ARHGEF7: variants seen among roughly 807,000 people sequenced by gnomAD.
ARHGEF7 encodes Rho guanine nucleotide exchange factor 7.
In ARHGEF7, 33 loss-of-function variants were observed where a neutral mutation model predicts 109.8. The observed-to-expected ratio is 0.30, with a 90% CI of 0.23 to 0.40. The LOEUF is 0.40. Among genes scored for constraint, ARHGEF7 ranks in the 10% least tolerant of loss-of-function variants. ARHGEF7 has a pLI of 1.00. For missense variants in ARHGEF7, 938 were observed against 1,098.5 expected, an observed-to-expected ratio of 0.85 and a Z score of 2.07; for synonymous variants, 458 against 424.6, an observed-to-expected ratio of 1.08 and a Z score of -0.97.
At chr13:111,119,105 C>T (rs1268435500) in intron 1 of ARHGEF7, among the ~76,000 whole-genome samples, 1 of 152,186 alleles carries the variant, frequency 6.6e-6, no homozygotes, top group Non-Finnish European at 1.5e-5. Context: ...TCTGGTAGTT[C>T]CTGGCTTGTG....
intron 19 of ARHGEF7, chr13:111,292,875 T>C: frequency 1.6e-5 from 16 of 988,868 alleles, no homozygotes; most frequent in Non-Finnish European, 1.9e-5. Flanking sequence ...GAACAGCATG[T>C]GGGCTCTGGG....
In ARHGEF7 at chr13:111,304,132, C is replaced by G. The variant is rs1027296170; in HGVS notation, c.*1019C>G. On this transcript the variant is annotated 3_prime_UTR_variant, in exon 22 of 22. Coordinates refer to ENST00000646102, the MANE Select transcript of ARHGEF7 (RefSeq NM_001354046.2). The stretch of plus-strand genomic sequence containing the variant: ...TGGCCGTAGCCAGCAGGCTTCAGTG[C>G]TCACCGAAAGTAAAATCCCCTCCTT... The G allele has an allele frequency of 6.6e-6, 1 of 152,280 alleles. No individual in the cohort carries two copies. The highest frequency in any genetic ancestry group is 1.5e-5 in the Non-Finnish European group (1 of 68,074). 9.4% of individuals were successfully genotyped at this position (152,280 alleles called of 1,614,324 possible).
rs548778682 is a variant in ARHGEF7, at chr13:111,177,047, G to A, written c.252+23056G>A. ...GCTGGGATTACAGGCGTGAGCCACC[G>A]CGCCCGGCTGACTGACTTATTTTAT... On this transcript the variant is annotated intron_variant, in intron 2 of 21. Transcript: ENST00000646102. Among the ~76,000 whole-genome samples the A allele has an allele frequency of 9.8e-5, 15 of 152,354 alleles. No homozygotes were observed. The East Asian group carries it at 1.5e-3, about 16-fold the overall frequency.
chr13:111,206,262 T>C (rs1317521491), intron 3 of ARHGEF7, among the ~76,000 whole-genome samples: 2 of 149,964 alleles, frequency 1.3e-5, no homozygotes, highest in African/African-American at 4.9e-5. Flanking sequence ...TCACTGCACA[T>C]TGAGGAGAGA....
At chr13:111,181,862 G>T (rs566988115) in intron 2 of ARHGEF7, among the ~76,000 whole-genome samples, 5 of 152,236 alleles carry the variant, frequency 3.3e-5, no homozygotes, top group Admixed American at 6.5e-5. Flanking sequence ...GGGCAGAGGG[G>T]CCAGACATCA....
At chr13:111,153,154 A>G (rs1459574146) in intron 1 of ARHGEF7, among the ~76,000 whole-genome samples, 2 of 152,274 alleles carry the variant, frequency 1.3e-5, no homozygotes, top group Non-Finnish European at 2.9e-5. Flanking sequence ...GCATTAGAAT[A>G]GTAACTGCGC....
intron 5 of ARHGEF7, among the ~76,000 whole-genome samples, chr13:111,230,684 A>G (rs1037318934): frequency 2.0e-5 from 3 of 152,002 alleles, no homozygotes; most frequent in African/African-American, 7.3e-5. Context: ...ACGCTTCCTG[A>G]TTGGAAGCAA....
At chr13:111,181,841 G>C (rs1253021687) in intron 2 of ARHGEF7, among the ~76,000 whole-genome samples, 2 of 152,222 alleles carry the variant, frequency 1.3e-5, no homozygotes, top group East Asian at 3.9e-4. Flanking sequence ...GGTAGGAAGC[G>C]ACCTTTGAAA....
intron 2 of ARHGEF7, chr13:111,187,077 G>C (rs2079339809): frequency 1.1e-6 from 1 of 931,176 alleles, no homozygotes; most frequent in South Asian, 4.9e-5. Context: ...GGCTGGAATA[G>C]AGCTGGTCAG....
chr13:111,236,023 T>C (rs1251072381), intron 6 of ARHGEF7, among the ~76,000 whole-genome samples: 2 of 152,206 alleles, frequency 1.3e-5, no homozygotes, highest in African/African-American at 4.8e-5. Context: ...ATGAGACAGG[T>C]ATGAATGGGA....
At chr13:111,137,088 T>C (rs190897184) in intron 1 of ARHGEF7, among the ~76,000 whole-genome samples, 53 of 152,276 alleles carry the variant, frequency 3.5e-4, no homozygotes, top group African/African-American at 1.3e-3. Flanking sequence ...GGCTCTGAAA[T>C]TGAGGCAATA....
intron 2 of ARHGEF7, chr13:111,182,446 G>A (rs1454875882): frequency 6.6e-6 from 1 of 152,414 alleles, no homozygotes; most frequent in African/African-American, 2.4e-5. Flanking sequence ...TTAAATCTGA[G>A]GAGCCGGAGA....
chr13:111,251,592 C>G (rs2089782767), intron 8 of ARHGEF7, among the ~76,000 whole-genome samples: 1 of 152,172 alleles, frequency 6.6e-6, no homozygotes, highest in Non-Finnish European at 1.5e-5. Flanking sequence ...AAATAAATAT[C>G]CGTTACCTTA....
At chr13:111,294,109 G>C (rs1342339983) in intron 19 of ARHGEF7, 2 of 985,334 alleles carry the variant, frequency 2.0e-6, no homozygotes, top group Non-Finnish European at 2.4e-6. Context: ...TCAGAGCCCA[G>C]TGTTAATCTC....
rs117101274 is a variant in ARHGEF7, at chr13:111,185,831, C to T, written c.253-19458C>T. On this transcript the variant is annotated intron_variant, in intron 2 of 21. Transcript: ENST00000646102. ...GTGCTGCCTGATCTGCCTGCATGAC[C>T]GCTGTGGGACACCACTGTCTCTGGT... 6.5e-4 allele frequency among the ~76,000 whole-genome samples: 99 copies of T among 152,218 alleles called. 2 individuals carry two copies. The East Asian group carries it at 0.015, about 23-fold the overall frequency.
intron 1 of ARHGEF7, among the ~76,000 whole-genome samples, chr13:111,149,198 C>T (rs2075767351): frequency 6.6e-6 from 1 of 151,492 alleles, no homozygotes; most frequent in African/African-American, 2.4e-5. Context: ...TTGCTTGAGC[C>T]CAGGAGTTCA....
intron 1 of ARHGEF7, among the ~76,000 whole-genome samples, chr13:111,124,852 C>T (rs1037461961): frequency 4.6e-5 from 7 of 152,156 alleles, no homozygotes; most frequent in Admixed American, 1.3e-4. Context: ...GGCCGCCTCC[C>T]GGGTTCAAGT....
Position 111,243,977 on chromosome 13 carries a change from T to A in ARHGEF7, c.854+11T>A, listed in dbSNP as rs1474916974. The A allele has an allele frequency of 6.3e-7, 1 of 1,589,812 alleles. No homozygotes were observed. Among genetic ancestry groups the A allele is most frequent in the Admixed American group, 1.7e-5 (1 of 59,620 alleles). ...GCAGACCAGTGAGAAGTAAGTTAGATGATAAATTGCATTAACTGTAAAATA... is the reference window on the plus strand; with the variant it reads ...GCAGACCAGTGAGAAGTAAGTTAGAAGATAAATTGCATTAACTGTAAAATA... On this transcript the variant is annotated intron_variant, in intron 7 of 21. Coordinates refer to ENST00000646102, the MANE Select transcript of ARHGEF7 (RefSeq NM_001354046.2).
In ARHGEF7 at chr13:111,209,991, T is replaced by C. The variant is rs374730263; in HGVS notation, c.457T>C (p.Tyr153His). The change falls in exon 4 of 22, where the codon TAT becomes CAT. Residue 153 changes from tyrosine (Y) to histidine (H), a missense_variant. By Grantham distance (83) the Tyr-to-His change is moderately conservative. Around this residue, in one of 4 missense-constraint regions of ARHGEF7, gnomAD observed 585 missense variants for 723.6 expected, o/e 0.81. Transcript: ENST00000646102. ...TRTSKLFQGQ[Y>H]RSLDMTDNSN... is the part of the protein sequence containing the mutation. ...GACTTCAAAACTGTTCCAGGGCCAG[T>C]ATCGGAGTTTGGTAAGTTTGAGAGA... 3 of 1,614,230 alleles carry C rather than the reference T, an allele frequency of 1.9e-6. No individual in the cohort carries two copies. The highest frequency in any genetic ancestry group is 2.5e-6 in the Non-Finnish European group (3 of 1,180,028).
Sources: gnomAD v4.1 joint callset for allele counts (sites outside exome capture counted in the v4.1 genomes callset) on GRCh38, gnomAD v4.1.1 for gene constraint, gnomAD v4.1.1 regional missense constraint, MANE v1.5 for transcripts, NCBI Gene and HGNC (gene_info 2026-07-23, HGNC 2026-07-21) for gene names.